The following ST6GAL2 variants were observed in gnomAD, a reference collection of about 807,000 sequenced individuals.
The protein encoded by ST6GAL2 is beta-galactoside alpha-2,6-sialyltransferase 2.
ST6GAL2 carries 24 observed loss-of-function variants against 37.5 expected under a neutral mutation model. That is an observed-to-expected ratio of 0.64 (90% CI 0.46 to 0.90). The LOEUF (loss-of-function observed/expected upper bound fraction) is 0.90, where lower values mean the gene tolerates loss of function less well. Among genes scored for constraint, ST6GAL2 ranks in the 40% least tolerant of loss-of-function variants. The pLI, the probability that ST6GAL2 is intolerant of heterozygous loss-of-function variation, is 0.00. For missense variants in ST6GAL2, 715 were observed against 712.7 expected, an observed-to-expected ratio of 1.00 and a Z score of -0.04; for synonymous variants, 306 against 295.1, an observed-to-expected ratio of 1.04 and a Z score of -0.38.
At chr2:106,875,495 A>G (rs1678466363) in intron 1 of ST6GAL2, among the ~76,000 whole-genome samples, 1 of 151,990 alleles carries the variant, frequency 6.6e-6, no homozygotes, top group African/African-American at 2.4e-5. Flanking sequence ...CTTTTTCTTT[A>G]TATTCCTTTG....
chr2:106,856,984 C>A (rs1347026567), intron 1 of ST6GAL2, among the ~76,000 whole-genome samples: 1 of 152,142 alleles, frequency 6.6e-6, no homozygotes, highest in Non-Finnish European at 1.5e-5. Flanking sequence ...CTGGTATACA[C>A]AAAAATCACC....
intron 5 of ST6GAL2, among the ~76,000 whole-genome samples, chr2:106,828,494 T>C (rs1355883625): frequency 6.6e-6 from 1 of 152,154 alleles, no homozygotes; most frequent in African/African-American, 2.4e-5. Context: ...AAGCTGAGCT[T>C]AAGGAAAATA....
chr2:106,826,926 G>C (rs1676230770), intron 5 of ST6GAL2, among the ~76,000 whole-genome samples: 2 of 152,198 alleles, frequency 1.3e-5, no homozygotes, highest in Non-Finnish European at 2.9e-5. Context: ...TTGTGGATCA[G>C]AACAATCGGA....
At chr2:106,872,136 T>C (rs1037606675) in intron 1 of ST6GAL2, among the ~76,000 whole-genome samples, 4 of 152,236 alleles carry the variant, frequency 2.6e-5, no homozygotes, top group Non-Finnish European at 5.9e-5. Context: ...GCAGCTCCAT[T>C]ATAATCTCAG....
At position 106,830,246 on chromosome 2, in the gene ST6GAL2, G is replaced by GA. The variant is rs752248031; in HGVS notation, c.1144-7dup. 3.0e-4 allele frequency: 476 copies of GA among 1,581,370 alleles called. 1 individual carries two copies. Among genetic ancestry groups the GA allele is most frequent in the African/African-American group, 8.8e-4 (64 of 73,076 alleles). ...TAATCCGGTTTTTTGTACCACTAAG[G>GA]AAAAAAAAATCAATGCAGTCAAGTA... On this transcript the variant is annotated splice_polypyrimidine_tract_variant and splice_region_variant and intron_variant, in intron 4 of 5. Coordinates refer to ENST00000409382, the MANE Select transcript of ST6GAL2 (RefSeq NM_001142351.2).
At chr2:106,880,721 C>A (rs1486269762) in intron 1 of ST6GAL2, among the ~76,000 whole-genome samples, 2 of 152,092 alleles carry the variant, frequency 1.3e-5, no homozygotes, top group Non-Finnish European at 2.9e-5. Context: ...AGATAAGCCA[C>A]ATAGGAAAAA....
intron 5 of ST6GAL2, among the ~76,000 whole-genome samples, chr2:106,828,655 A>G (rs1285360729): frequency 2.6e-5 from 4 of 152,176 alleles, no homozygotes; most frequent in Admixed American, 6.5e-5. Flanking sequence ...TATCTCCACA[A>G]ATCTTTCCTT....
chr2:106,852,223 A>G (rs1677395522), intron 1 of ST6GAL2, among the ~76,000 whole-genome samples: 2 of 152,232 alleles, frequency 1.3e-5, no homozygotes, highest in Non-Finnish European at 2.9e-5. Flanking sequence ...GCGGGAGGAC[A>G]TCCCCCTCTC....
intron 1 of ST6GAL2, among the ~76,000 whole-genome samples, chr2:106,846,189 G>T (rs192835563): frequency 8.1e-4 from 124 of 152,294 alleles, no homozygotes; most frequent in African/African-American, 2.4e-3. Flanking sequence ...TAGGAGAGCC[G>T]GTCTAGCCCA....
At chr2:106,879,862 T>C (rs938143593) in intron 1 of ST6GAL2, among the ~76,000 whole-genome samples, 4 of 147,848 alleles carry the variant, frequency 2.7e-5, no homozygotes, top group African/African-American at 9.8e-5. Flanking sequence ...AACTATAATA[T>C]ATACATTATA....
intron 1 of ST6GAL2, among the ~76,000 whole-genome samples, chr2:106,884,934 T>TATATATATATATATATATATATATAC (rs1425070594): frequency 4.2e-5 from 5 of 120,454 alleles, no homozygotes; most frequent in Admixed American, 8.1e-5. Context: ...TATATATATA[T>TATATATATATATATATATATATATAC]ACATACACAC....
intron 1 of ST6GAL2, among the ~76,000 whole-genome samples, chr2:106,862,382 G>A (rs1031352155): frequency 1.3e-5 from 2 of 152,150 alleles, no homozygotes; most frequent in Non-Finnish European, 2.9e-5. Context: ...ATTGCTTTTC[G>A]AGAAAGGAAA....
chr2:106,875,279 AATGC>A (rs1678457299), intron 1 of ST6GAL2, among the ~76,000 whole-genome samples: 10 of 151,154 alleles, frequency 6.6e-5, no homozygotes, highest in African/African-American at 2.4e-4. Flanking sequence ...AGGATCAAGC[AATGC>A]CCCCAACCTC....
intron 5 of ST6GAL2, among the ~76,000 whole-genome samples, chr2:106,826,423 C>G (rs1171888505): frequency 6.6e-6 from 1 of 151,934 alleles, no homozygotes; most frequent in Admixed American, 6.6e-5. Context: ...ATCTGTAGTC[C>G]CAGCTACTTG....
In ST6GAL2 at chr2:106,806,411, T is replaced by C; in HGVS notation, c.*267A>G. 2.4e-6 allele frequency: 1 copy of C among 418,944 alleles called. No individual in the cohort carries two copies. The allele number at this position is 418,944 out of a possible 1,614,324, so 26.0% of individuals were successfully genotyped here. Reference sequence around the variant, plus strand: ...GTTGTTAACATTTCTGGAGGTATCATACCCATGGTCATACATGTGTTTTCT... The same window carrying C: ...GTTGTTAACATTTCTGGAGGTATCACACCCATGGTCATACATGTGTTTTCT... On this transcript the variant is annotated 3_prime_UTR_variant, in exon 6 of 6. Transcript: ENST00000409382.
At chr2:106,847,466 T>C (rs1465862117) in intron 1 of ST6GAL2, among the ~76,000 whole-genome samples, 5 of 152,208 alleles carry the variant, frequency 3.3e-5, no homozygotes, top group Admixed American at 2.0e-4. Context: ...CACTGCAGTA[T>C]AATTCTGACA....
intron 1 of ST6GAL2, among the ~76,000 whole-genome samples, chr2:106,865,374 G>T (rs941474991): frequency 6.6e-6 from 1 of 152,142 alleles, no homozygotes; most frequent in Non-Finnish European, 1.5e-5. Flanking sequence ...GAGAGCACAT[G>T]CTTAGAGTTT....
chr2:106,865,164 C>G (rs1038549866), intron 1 of ST6GAL2, among the ~76,000 whole-genome samples: 9 of 152,102 alleles, frequency 5.9e-5, no homozygotes, highest in African/African-American at 2.2e-4. Flanking sequence ...ATAAAAGAAT[C>G]AGAAAGTGAT....
At chr2:106,849,419 G>A (rs143847224) in intron 1 of ST6GAL2, among the ~76,000 whole-genome samples, 38 of 152,194 alleles carry the variant, frequency 2.5e-4, no homozygotes, top group African/African-American at 8.0e-4. Flanking sequence ...TCTTTGTGGC[G>A]ATAAGATGCC....
Sources: allele counts gnomAD v4.1 joint callset (sites outside exome capture counted in the v4.1 genomes callset), GRCh38; gene constraint gnomAD v4.1.1; transcripts MANE v1.5; gene names NCBI Gene and HGNC (gene_info 2026-07-23, HGNC 2026-07-21).